NIPBL: variants seen among roughly 807,000 people sequenced by gnomAD.
NIPBL encodes nipped-B-like protein.
NIPBL carries 19 observed loss-of-function variants against 321.8 expected under a neutral mutation model. The observed-to-expected ratio is 0.06, with a 90% CI of 0.04 to 0.09. NIPBL has a LOEUF of 0.09. Among genes scored for constraint, NIPBL ranks in the 10% least tolerant of loss-of-function variants. The probability of loss-of-function intolerance (pLI) is 1.00; values close to 1 mark genes in which losing one functional copy is unlikely to be tolerated. For missense variants in NIPBL, 2,210 were observed against 3,327.0 expected (o/e 0.66, Z 8.26); for synonymous variants, 1,106 against 1,114.1 (o/e 0.99, Z 0.14).
intron 1 of NIPBL, among the ~76,000 whole-genome samples, chr5:36,939,533 A>G (rs1224420866): frequency 6.6e-6 from 1 of 152,182 alleles, no homozygotes; most frequent in Non-Finnish European, 1.5e-5. Context: ...CGTTGGTTTA[A>G]CCATTCTGCA....
Position 37,048,593 on chromosome 5 carries a change from C to A in NIPBL, c.6681C>A (p.Val2227=). The part of the protein sequence containing the change: ...NNILSDKNSS[V]NLKIQVLKNL... ...TTTTATCTGATAAGAACTCCTCAGT[C>A]AATTTAAAAATACAAGTGTTAAAAA... Residue 2227 remains valine (V), a synonymous_variant, in exon 39 of 47, where the codon GTC becomes GTA. Coordinates refer to ENST00000282516, the MANE Select transcript of NIPBL (RefSeq NM_133433.4). 6.2e-7 allele frequency: 1 copy of A among 1,601,024 alleles called. No individual in the cohort carries two copies. The highest frequency in any genetic ancestry group is 1.1e-5 in the South Asian group (1 of 89,620).
intron 1 of NIPBL, among the ~76,000 whole-genome samples, chr5:36,931,797 T>C (rs1388678435): frequency 1.3e-5 from 2 of 150,010 alleles, no homozygotes; most frequent in South Asian, 2.1e-4. Flanking sequence ...TTTTTTTTTT[T>C]TTGTTTATTT....
At chr5:36,892,380 C>A (rs538712549) in intron 1 of NIPBL, among the ~76,000 whole-genome samples, 2 of 152,104 alleles carry the variant, frequency 1.3e-5, no homozygotes, top group East Asian at 3.9e-4. Flanking sequence ...GTCAGTGTGG[C>A]GATTCCTCAG....
chr5:36,928,849 C>CT (rs1749560069), intron 1 of NIPBL, among the ~76,000 whole-genome samples: 1 of 151,994 alleles, frequency 6.6e-6, no homozygotes, highest in African/African-American at 2.4e-5. Flanking sequence ...GTATTTTGTT[C>CT]TTTTTTATTG....
rs1356212089 is a variant in NIPBL at position 36,995,730 on chromosome 5, G to A, written c.3230G>A (p.Ser1077Asn). Residue 1077 changes from serine (S) to asparagine (N), a missense_variant, in exon 11 of 47, where the codon AGC becomes AAC. Ser to Asn is a conservative substitution (Grantham distance 46, BLOSUM62 1). Around this residue, in one of 14 missense-constraint regions of NIPBL, gnomAD observed 381 missense variants for 642.3 expected, o/e 0.59. Transcript: ENST00000282516. Reference protein sequence around the residue: ...ERVKMNKRKRSTVNEKPKYAE... With the variant: ...ERVKMNKRKRNTVNEKPKYAE... Reference sequence around the variant, plus strand: ...GTGAAAATGAACAAACGCAAGCGTAGCACAGTTAATGAAAAGCCAAAATAT... The same window carrying A: ...GTGAAAATGAACAAACGCAAGCGTAACACAGTTAATGAAAAGCCAAAATAT... The A allele has an allele frequency of 6.2e-7, 1 of 1,613,670 alleles. No individual in the cohort carries two copies.
chr5:36,902,903 G>A (rs907667058), intron 1 of NIPBL, among the ~76,000 whole-genome samples: 3 of 151,970 alleles, frequency 2.0e-5, no homozygotes, highest in Non-Finnish European at 4.4e-5. Context: ...CCATGATCAT[G>A]GAATGTTTTT....
rs1179462597 is a variant in NIPBL, at chr5:36,957,740, T to C, written c.231-364T>C. ...GCTCACACCTGTAATCCCAGCACTT[T>C]GGGAGGCCGAGGCGGGCAGACCATC... On this transcript the variant is annotated intron_variant, in intron 3 of 46. Coordinates refer to ENST00000282516, the MANE Select transcript of NIPBL (RefSeq NM_133433.4). Among the ~76,000 whole-genome samples the C allele has an allele frequency of 2.0e-5, 3 of 152,108 alleles. No homozygotes were observed. In the East Asian group the frequency reaches 5.8e-4, roughly 29 times the overall value.
chr5:36,912,450 A>G (rs1748117249), intron 1 of NIPBL, among the ~76,000 whole-genome samples: 1 of 151,992 alleles, frequency 6.6e-6, no homozygotes, highest in Middle Eastern at 3.4e-3. Context: ...ATCAGCATAT[A>G]GATTCAGAGT....
intron 43 of NIPBL, among the ~76,000 whole-genome samples, chr5:37,058,370 C>T (rs1246687048): frequency 6.6e-6 from 1 of 152,184 alleles, no homozygotes; most frequent in African/African-American, 2.4e-5. Context: ...ACACACCACA[C>T]AAACTGCTTA....
intron 14 of NIPBL, among the ~76,000 whole-genome samples, chr5:37,002,357 A>G (rs934196624): frequency 4.6e-5 from 7 of 152,222 alleles, no homozygotes; most frequent in Non-Finnish European, 5.9e-5. Context: ...AGGGCATGGG[A>G]GACTCTTGAT....
intron 1 of NIPBL, chr5:36,885,090 G>T: frequency 4.4e-6 from 1 of 228,010 alleles, no homozygotes; most frequent in South Asian, 5.2e-5. Context: ...GCCAATTTAA[G>T]TATTATATAT....
chr5:36,952,053 T>TGTGTGTGCGTGCGC (rs778597604), intron 1 of NIPBL, among the ~76,000 whole-genome samples: 21 of 112,114 alleles, frequency 1.9e-4, no homozygotes, highest in Non-Finnish European at 3.0e-4. Context: ...TGTGTGTGTG[T>TGTGTGTGCGTGCGC]GCGCGCGCGC....
chr5:37,038,618 T>C lies in NIPBL; in HGVS notation c.5988T>C (p.Gly1996=), dbSNP rs1751983576. ...EESLADSDNK[G]VNSGRLVACI... ...TTTTTCCAGACTCTGACAATAAAGGTGTGAATTCTGGAAGATTGGTAGCTT... is the reference window on the plus strand; with the variant it reads ...TTTTTCCAGACTCTGACAATAAAGGCGTGAATTCTGGAAGATTGGTAGCTT... Residue 1996 remains glycine (G), a synonymous_variant, in exon 34 of 47, where the codon GGT becomes GGC. Coordinates refer to ENST00000282516, the MANE Select transcript of NIPBL (RefSeq NM_133433.4). 1 of 1,613,614 alleles carries C rather than the reference T, an allele frequency of 6.2e-7. No individual in the cohort carries two copies. The highest frequency in any genetic ancestry group is 1.3e-5 in the African/African-American group (1 of 74,918).
At chr5:36,971,722 A>G (rs994306659) in intron 7 of NIPBL, 8 of 748,814 alleles carry the variant, frequency 1.1e-5, no homozygotes, top group South Asian at 6.0e-5. Flanking sequence ...TAGTAATACA[A>G]ATTTTCTTAT....
Position 37,064,310 on chromosome 5 carries a change from G to A in NIPBL, c.8050-217G>A. 4 of 1,417,056 alleles carry A rather than the reference G, an allele frequency of 2.8e-6. No homozygotes were observed. The South Asian group carries it at 4.6e-5, about 16-fold the overall frequency. 87.8% of individuals were successfully genotyped at this position (1,417,056 alleles called of 1,614,324 possible). A position where few individuals can be genotyped will look rare whatever the true frequency, so the allele number is the denominator to read the frequency against. ...TATATAATTTTATATATCAATAAGA[G>A]TAAAGACACGGGTACAAATTAAGAG... On this transcript the variant is annotated intron_variant, in intron 46 of 46. Coordinates refer to ENST00000282516, the MANE Select transcript of NIPBL (RefSeq NM_133433.4).
intron 1 of NIPBL, among the ~76,000 whole-genome samples, chr5:36,948,231 G>A (rs1327707848): frequency 2.0e-5 from 3 of 151,918 alleles, no homozygotes; most frequent in Non-Finnish European, 2.9e-5. Context: ...GTCTGACACA[G>A]TAACATAAGA....
chr5:37,025,883 CT>C (rs924695274), intron 30 of NIPBL, among the ~76,000 whole-genome samples: 7 of 151,420 alleles, frequency 4.6e-5, no homozygotes, highest in African/African-American at 9.7e-5. Flanking sequence ...ATAATTGTCC[CT>C]TTTTTTTAAG....
intron 6 of NIPBL, 138 bp from the exon 7 acceptor site, chr5:36,970,738 G>T (rs1487743864): frequency 2.7e-6 from 2 of 729,274 alleles, no homozygotes; most frequent in Non-Finnish European, 4.6e-6. Flanking sequence ...AAGATTTGAT[G>T]AAACTAGTCA....
chr5:36,995,054 A>G (rs767878713), intron 10 of NIPBL: 1 of 152,530 alleles, frequency 6.6e-6, no homozygotes, highest in Admixed American at 6.5e-5. Flanking sequence ...GTAATGCTAA[A>G]GGCATTACCA....
Sources: allele counts gnomAD v4.1 joint callset (sites outside exome capture counted in the v4.1 genomes callset), GRCh38; gene constraint gnomAD v4.1.1; regional missense constraint gnomAD v4.1.1; transcripts MANE v1.5; gene names NCBI Gene and HGNC (gene_info 2026-07-23, HGNC 2026-07-21).